PRIM2: variants seen among roughly 807,000 people sequenced by gnomAD.
PRIM2 encodes the protein DNA primase large subunit.
In PRIM2, 39 loss-of-function variants were observed where a neutral mutation model predicts 67.3. That is an observed-to-expected ratio of 0.58 (90% CI 0.45 to 0.76). PRIM2 has a LOEUF of 0.76. PRIM2 is among the 30% of genes least tolerant of loss of function. PRIM2 has a pLI of 0.00. For synonymous variants in PRIM2, 143 were observed against 198.7 expected (o/e 0.72, Z 2.36); for missense variants, 398 against 598.7 (o/e 0.66, Z 3.50).
chr6:57,295,787 T>C, the PRIM2 span, among the ~76,000 whole-genome samples: 7,952 of 152,298 alleles, frequency 0.052, 258 homozygotes, highest in Non-Finnish European at 0.078. Context: ...TGTGTCATCT[T>C]CTTCCTACAA....
chr6:57,577,511 C>A (rs1324165738), intron 10 of PRIM2, among the ~76,000 whole-genome samples: 5 of 149,348 alleles, frequency 3.3e-5, no homozygotes, highest in Admixed American at 6.8e-5. Flanking sequence ...CTCACTGCAA[C>A]CTCCACCTCT....
intron 7 of PRIM2, among the ~76,000 whole-genome samples, chr6:57,419,282 G>A (rs1425754751): frequency 6.6e-6 from 1 of 152,118 alleles, no homozygotes; most frequent in Non-Finnish European, 1.5e-5. Context: ...TTAGACTACG[G>A]GGAGTTGCCA....
the PRIM2 span, among the ~76,000 whole-genome samples, chr6:57,240,914 C>A: frequency 6.6e-6 from 1 of 151,830 alleles, no homozygotes; most frequent in Non-Finnish European, 1.5e-5. Flanking sequence ...CACAGCAAGA[C>A]CTCATCTCTA....
At chr6:57,250,622 G>A in the PRIM2 span, among the ~76,000 whole-genome samples, 1 of 152,156 alleles carries the variant, frequency 6.6e-6, no homozygotes, top group Non-Finnish European at 1.5e-5. Context: ...TTAGTTAGCC[G>A]TATGAAAACA....
intron 5 of PRIM2, among the ~76,000 whole-genome samples, chr6:57,353,568 A>G (rs1768926177): frequency 6.6e-6 from 1 of 152,210 alleles, no homozygotes; most frequent in Admixed American, 6.5e-5. Context: ...GCACATGCAC[A>G]CATACATAAA....
chr6:57,396,410 G>A (rs9464467), intron 7 of PRIM2, among the ~76,000 whole-genome samples: 5 of 152,118 alleles, frequency 3.3e-5, no homozygotes, highest in African/African-American at 1.2e-4. Flanking sequence ...TAATGTCCCT[G>A]TTTCTGTCTT....
Position 57,645,927 on chromosome 6 carries a change from G to A in PRIM2, c.1300-1G>A, listed in dbSNP as rs1777326382. On this transcript the variant is annotated splice_acceptor_variant, in intron 13 of 13. Transcript: ENST00000615550. LOFTEE classifies it high-confidence loss of function. ...GCAATATAAATTTCCTTCCTTTACA[G>A]GTGGATGATTGTGGCTTTTCTTTGA... The A allele has an allele frequency of 4.7e-6, 7 of 1,489,092 alleles. No homozygotes were observed. Among genetic ancestry groups the A allele is most frequent in the Non-Finnish European group, 6.5e-6 (7 of 1,068,816 alleles). The allele number at this position is 1,489,092 out of a possible 1,614,324, so 92.2% of individuals were successfully genotyped here.
chr6:57,258,183 C>T, the PRIM2 span, among the ~76,000 whole-genome samples: 1 of 152,118 alleles, frequency 6.6e-6, no homozygotes, highest in Non-Finnish European at 1.5e-5. Context: ...AATAACCTAA[C>T]AATCGGGAGT....
chr6:57,303,896 A>G, the PRIM2 span, among the ~76,000 whole-genome samples: 1 of 152,196 alleles, frequency 6.6e-6, no homozygotes, highest in East Asian at 1.9e-4. Flanking sequence ...AGGCCTCCCA[A>G]AGTGCTGGGA....
intron 7 of PRIM2, among the ~76,000 whole-genome samples, chr6:57,500,087 C>A (rs1344001044): frequency 6.6e-6 from 1 of 152,190 alleles, no homozygotes; most frequent in East Asian, 1.9e-4. Context: ...AGCTGTCTAC[C>A]TATCTGCATG....
chr6:57,349,926 A>G (rs1028262452), intron 5 of PRIM2, among the ~76,000 whole-genome samples: 3 of 152,168 alleles, frequency 2.0e-5, no homozygotes, highest in African/African-American at 7.2e-5. Flanking sequence ...AACCTTCAAT[A>G]TGACTTACTT....
intron 5 of PRIM2, among the ~76,000 whole-genome samples, chr6:57,374,483 G>A (rs534662528): frequency 1.5e-3 from 226 of 151,184 alleles, no homozygotes; most frequent in Non-Finnish European, 1.9e-3. Context: ...TAGTAGAGAC[G>A]GGGTTTCACC....
In PRIM2 at chr6:57,568,810, G is replaced by C. The variant is rs1775800319; in HGVS notation, c.1020+31185G>C. ...TTTTCAACTATGCTGGTTAAAGCCT[G>C]AGCATTAGAAAGAAAATTGGATCTA... is the stretch of plus-strand genomic sequence containing the variant. On this transcript the variant is annotated intron_variant, in intron 10 of 13. Coordinates refer to ENST00000615550, the MANE Select transcript of PRIM2 (RefSeq NM_000947.5). Among the ~76,000 whole-genome samples, 5 of 152,208 alleles carry C rather than the reference G, an allele frequency of 3.3e-5. No individual in the cohort carries two copies. The South Asian group carries it at 6.2e-4, about 19-fold the overall frequency.
At chr6:57,634,331 T>C (rs1194197335) in intron 13 of PRIM2, among the ~76,000 whole-genome samples, 5 of 152,248 alleles carry the variant, frequency 3.3e-5, no homozygotes, top group African/African-American at 9.6e-5. Flanking sequence ...CCTGTCCTCA[T>C]TCTTCTATAC....
chr6:57,384,436 G>A (rs13213050), intron 7 of PRIM2, among the ~76,000 whole-genome samples: 4 of 152,264 alleles, frequency 2.6e-5, no homozygotes, highest in South Asian at 4.1e-4. Flanking sequence ...CTCAACTCCA[G>A]TGTGACCTCA....
intron 10 of PRIM2, among the ~76,000 whole-genome samples, chr6:57,549,126 A>G (rs1775350351): frequency 6.6e-6 from 1 of 152,236 alleles, no homozygotes; most frequent in African/African-American, 2.4e-5. Context: ...AGCCAGCACT[A>G]TTATGTTGCT....
chr6:57,440,604 G>C lies in PRIM2; in HGVS notation c.693+58436G>C, dbSNP rs2109647. Among the ~76,000 whole-genome samples the C allele has an allele frequency of 2.0e-5, 3 of 152,290 alleles. No homozygotes were observed. The South Asian group carries it at 6.2e-4, about 32-fold the overall frequency. Reference sequence around the variant, plus strand: ...CATATATTCCTCTGTGCCCATGACTGAAGAGTTTTCTTTGGGTTTCAAGCT... The same window carrying C: ...CATATATTCCTCTGTGCCCATGACTCAAGAGTTTTCTTTGGGTTTCAAGCT... On this transcript the variant is annotated intron_variant, in intron 7 of 13. Coordinates refer to ENST00000615550, the MANE Select transcript of PRIM2 (RefSeq NM_000947.5).
chr6:57,631,899 G>C (rs1159882108), intron 12 of PRIM2, among the ~76,000 whole-genome samples: 2 of 152,132 alleles, frequency 1.3e-5, no homozygotes, highest in Non-Finnish European at 2.9e-5. Flanking sequence ...CAGTTGGTAG[G>C]TCAGAAAGAT....
intron 10 of PRIM2, among the ~76,000 whole-genome samples, chr6:57,576,981 G>C (rs1158829791): frequency 6.0e-5 from 9 of 151,244 alleles, no homozygotes; most frequent in Admixed American, 3.9e-4. Context: ...AGACTTGCTG[G>C]ATGTCATAGT....
Sources: allele counts gnomAD v4.1 joint callset (sites outside exome capture counted in the v4.1 genomes callset), GRCh38; gene constraint gnomAD v4.1.1; transcripts MANE v1.5; gene names NCBI Gene and HGNC (gene_info 2026-07-23, HGNC 2026-07-21).